Variants in COLEC10 observed in about 807,000 individuals in gnomAD.
COLEC10 encodes collectin subfamily member 10, also known as collectin-10.
Under a neutral mutation model 28.4 loss-of-function variants are expected in COLEC10, and 22 were observed. That is an observed-to-expected ratio of 0.78 (90% CI 0.55 to 1.11). The LOEUF is 1.11. COLEC10 is among the 50% of genes least tolerant of loss of function. The pLI is 0.00. For missense variants in COLEC10, 361 were observed against 344.1 expected (o/e 1.05, Z -0.39); for synonymous variants, 125 against 116.1 (o/e 1.08, Z -0.49).
upstream of COLEC10, among the ~76,000 whole-genome samples, chr8:118,992,619 C>G (rs1457291995): frequency 6.6e-6 from 1 of 152,054 alleles, no homozygotes; most frequent in Non-Finnish European, 1.5e-5. Context: ...GGTGTTTATA[C>G]CTCAGAAGTT....
intron 3 of COLEC10, among the ~76,000 whole-genome samples, chr8:119,095,926 G>A (rs1005200662): frequency 6.6e-6 from 1 of 152,148 alleles, no homozygotes; most frequent in Non-Finnish European, 1.5e-5. Flanking sequence ...TTCATGAAGA[G>A]ATAGACAAAT....
chr8:118,965,595 C>T, the COLEC10 span, among the ~76,000 whole-genome samples: 76 of 151,950 alleles, frequency 5.0e-4, no homozygotes, highest in African/African-American at 1.8e-3. Flanking sequence ...CTGGCAATTC[C>T]AGTCTCCGTG....
intron 1 of COLEC10, among the ~76,000 whole-genome samples, chr8:119,070,193 A>G (rs1402648198): frequency 6.6e-6 from 1 of 152,184 alleles, no homozygotes; most frequent in East Asian, 1.9e-4. Flanking sequence ...CATTTGCAAA[A>G]TGAGCCTTCA....
intron 1 of COLEC10, among the ~76,000 whole-genome samples, chr8:118,998,929 A>G (rs942082538): frequency 2.0e-5 from 3 of 151,852 alleles, no homozygotes; most frequent in Admixed American, 2.0e-4. Context: ...CGCTATTACA[A>G]CTAAGATTTT....
chr8:119,065,856 A>AC (rs1464246591), upstream of COLEC10, among the ~76,000 whole-genome samples: 1 of 42,348 alleles, frequency 2.4e-5, no homozygotes, highest in Non-Finnish European at 4.0e-5. Context: ...ACTCCATCTC[A>AC]AAAAAAAAAA....
chr8:118,981,155 C>A, the COLEC10 span, among the ~76,000 whole-genome samples: 15 of 152,054 alleles, frequency 9.9e-5, 1 homozygote, highest in African/African-American at 3.4e-4. Context: ...TCTGTGGGTT[C>A]CGCCTCAAAG....
At chr8:118,964,308 G>A in the COLEC10 span, among the ~76,000 whole-genome samples, 8 of 152,116 alleles carry the variant, frequency 5.3e-5, no homozygotes, top group Non-Finnish European at 1.0e-4. Context: ...TATCCCCCAA[G>A]ATTACAAATA....
intron 1 of COLEC10, among the ~76,000 whole-genome samples, chr8:119,088,497 C>T (rs1198685143): frequency 1.3e-5 from 2 of 152,190 alleles, no homozygotes; most frequent in East Asian, 1.9e-4. Flanking sequence ...AATCTCTGGT[C>T]GTGTTTTTTC....
chr8:118,977,715 G>C, the COLEC10 span, among the ~76,000 whole-genome samples: 1 of 144,576 alleles, frequency 6.9e-6, no homozygotes, highest in East Asian at 2.2e-4. Context: ...CCTGCACATT[G>C]TGCACATGTA....
At chr8:119,059,411 C>A (rs1587027417) in intron 2 of COLEC10, among the ~76,000 whole-genome samples, 1 of 151,786 alleles carries the variant, frequency 6.6e-6, no homozygotes, top group African/African-American at 2.4e-5. Context: ...AATTTCATTT[C>A]TTTGCATGTT....
the COLEC10 span, among the ~76,000 whole-genome samples, chr8:118,984,941 A>AT: frequency 2.0e-5 from 3 of 152,130 alleles, no homozygotes; most frequent in Admixed American, 2.0e-4. Context: ...TAAAACCATC[A>AT]TATCTCGTGA....
chr8:118,963,556 AT>A, the COLEC10 span, among the ~76,000 whole-genome samples: 3 of 152,180 alleles, frequency 2.0e-5, no homozygotes, highest in African/African-American at 7.2e-5. Flanking sequence ...CAATTCTAAG[AT>A]GCCCATTTAT....
At chr8:118,980,382 G>A in the COLEC10 span, among the ~76,000 whole-genome samples, 1 of 151,762 alleles carries the variant, frequency 6.6e-6, no homozygotes, top group East Asian at 1.9e-4. Flanking sequence ...TAGTAGAGAT[G>A]AGGTTTCACC....
chr8:119,097,036 G>A (rs528310628), intron 3 of COLEC10, among the ~76,000 whole-genome samples: 122 of 152,154 alleles, frequency 8.0e-4, no homozygotes, highest in African/African-American at 2.8e-3. Context: ...ATGCCAAATG[G>A]TTCTATTTAT....
At chr8:118,992,747 C>A (rs1813523059), upstream of COLEC10, among the ~76,000 whole-genome samples, 1 of 152,102 alleles carries the variant, frequency 6.6e-6, no homozygotes, top group African/African-American at 2.4e-5. Flanking sequence ...TGGTTATAAT[C>A]ACATAATATT....
At chr8:119,072,560 G>T (rs1443576117) in intron 1 of COLEC10, among the ~76,000 whole-genome samples, 1 of 152,188 alleles carries the variant, frequency 6.6e-6, no homozygotes, top group Non-Finnish European at 1.5e-5. Flanking sequence ...TTAAAACCCA[G>T]TTAAGTTCTA....
intron 1 of COLEC10, among the ~76,000 whole-genome samples, chr8:119,008,681 C>A (rs912638877): frequency 1.0e-4 from 15 of 150,544 alleles, no homozygotes; most frequent in African/African-American, 3.7e-4. Flanking sequence ...ATGACTAACA[C>A]TCTGACATAC....
chr8:119,063,704 TA>T (rs1554626635), upstream of COLEC10, among the ~76,000 whole-genome samples: 3 of 149,926 alleles, frequency 2.0e-5, no homozygotes, highest in East Asian at 6.0e-4. Flanking sequence ...TATATATATA[TA>T]TTTTTTAAGG....
At chr8:118,957,215 A>T in the COLEC10 span, among the ~76,000 whole-genome samples, 1 of 152,248 alleles carries the variant, frequency 6.6e-6, no homozygotes, top group African/African-American at 2.4e-5. Flanking sequence ...ATCCTGATAC[A>T]GATCAAAAGT....
Sources: gnomAD v4.1 joint callset for allele counts (sites outside exome capture counted in the v4.1 genomes callset) on GRCh38, gnomAD v4.1.1 for gene constraint, MANE v1.5 for transcripts, NCBI Gene and HGNC (gene_info 2026-07-23, HGNC 2026-07-21) for gene names.